The following GNAI1 variants were observed in gnomAD, a reference collection of about 807,000 sequenced individuals.
GNAI1 encodes guanine nucleotide-binding protein G(i) subunit alpha-1.
A neutral mutation model predicts 38.9 loss-of-function variants in GNAI1; 11 were observed. The ratio of observed to expected loss-of-function variants is 0.28; its 90% CI spans 0.18 to 0.47. GNAI1 has a LOEUF of 0.47. GNAI1 is among the 20% of genes least tolerant of loss of function. The pLI is 0.99. For synonymous variants in GNAI1, 166 were observed against 145.1 expected (o/e 1.14, Z -1.04); for missense variants, 317 against 436.9 (o/e 0.73, Z 2.45).
chr7:80,165,030 A>G (rs773064990), intron 1 of GNAI1, among the ~76,000 whole-genome samples: 6 of 152,308 alleles, frequency 3.9e-5, no homozygotes, highest in Non-Finnish European at 8.8e-5. Context: ...GTGAGGATGT[A>G]TTGTAGTAGC....
At chr7:80,144,661 A>G (rs969716646) in intron 1 of GNAI1, among the ~76,000 whole-genome samples, 1 of 152,152 alleles carries the variant, frequency 6.6e-6, no homozygotes, top group African/African-American at 2.4e-5. Flanking sequence ...CTTATTTGAC[A>G]GCCGTTGCTG....
chr7:80,219,244 A>G lies in GNAI1; in HGVS notation c.*1751A>G, dbSNP rs1157771812. 6.6e-6 allele frequency: 1 copy of G among 152,616 alleles called. No individual in the cohort carries two copies. The highest frequency in any genetic ancestry group is 1.5e-5 in the Non-Finnish European group (1 of 68,034). The allele number at this position is 152,616 out of a possible 1,614,324, so 9.5% of individuals were successfully genotyped here. Reference sequence around the variant, plus strand: ...TAATATCCACATTGTGAAGCTGTGTATGAAATTCAACTATAATATGAATAA... The same window carrying G: ...TAATATCCACATTGTGAAGCTGTGTGTGAAATTCAACTATAATATGAATAA... On this transcript the variant is annotated 3_prime_UTR_variant, in exon 8 of 8. Transcript: ENST00000649796.
chr7:80,161,454 T>C (rs944996630), intron 1 of GNAI1, among the ~76,000 whole-genome samples: 1 of 152,206 alleles, frequency 6.6e-6, no homozygotes, highest in East Asian at 1.9e-4. Flanking sequence ...TTAGAAGTTG[T>C]TGACACAAAG....
chr7:80,177,191 CT>C, intron 1 of GNAI1, among the ~76,000 whole-genome samples: 1 of 151,664 alleles, frequency 6.6e-6, no homozygotes, highest in South Asian at 2.1e-4. Context: ...CCACCATGCC[CT>C]GTTAACTTTT....
At chr7:80,212,576 GA>G (rs1333685008) in intron 6 of GNAI1, 139 bp from the exon 7 acceptor site, 1 of 538,946 alleles carries the variant, frequency 1.9e-6, no homozygotes, top group African/African-American at 2.0e-5. Context: ...AGTGTGTTCT[GA>G]AATGGCAGAA....
chr7:80,135,230 C>T lies in GNAI1; in HGVS notation c.70C>T (p.Arg24Cys). The T allele has an allele frequency of 6.5e-7, 1 of 1,550,308 alleles. No individual in the cohort carries two copies. The highest frequency in any genetic ancestry group is 8.7e-7 in the Non-Finnish European group (1 of 1,148,798). Residue 24 changes from arginine to cysteine, a missense_variant, in exon 1 of 8, where the codon CGT becomes TGT. By Grantham distance (180) the Arg-to-Cys change is radical. Coordinates refer to ENST00000649796, the MANE Select transcript of GNAI1 (RefSeq NM_002069.6). ...GAGTAAGATGATCGACCGCAACCTC[C>T]GTGAGGACGGCGAGAAGGCGGCGCG... Reference protein sequence around the residue: ...ERSKMIDRNLREDGEKAAREV... With the variant: ...ERSKMIDRNLCEDGEKAAREV...
At chr7:80,174,700 T>A (rs1187550602) in intron 1 of GNAI1, among the ~76,000 whole-genome samples, 4 of 152,148 alleles carry the variant, frequency 2.6e-5, no homozygotes, top group Admixed American at 2.6e-4. Context: ...TTTAAAAAAT[T>A]TGTCAGCGTA....
At chr7:80,147,847 G>A (rs1048173504) in intron 1 of GNAI1, among the ~76,000 whole-genome samples, 6 of 152,086 alleles carry the variant, frequency 3.9e-5, no homozygotes, top group Non-Finnish European at 5.9e-5. Context: ...TTGCAGTTAC[G>A]ACATCTGGTT....
chr7:80,181,632 CTTTT>C (rs1024923835), intron 1 of GNAI1, among the ~76,000 whole-genome samples: 1 of 152,138 alleles, frequency 6.6e-6, no homozygotes, highest in Non-Finnish European at 1.5e-5. Flanking sequence ...ACAATTCTTT[CTTTT>C]GTCCTGCCTT....
chr7:80,206,221 C>G (rs1191988641), intron 5 of GNAI1, among the ~76,000 whole-genome samples: 2 of 151,982 alleles, frequency 1.3e-5, no homozygotes, highest in Non-Finnish European at 2.9e-5. Flanking sequence ...GGCTACTTCT[C>G]TCCAAAAAAC....
chr7:80,147,493 T>A (rs1328678279), intron 1 of GNAI1, among the ~76,000 whole-genome samples: 1 of 152,020 alleles, frequency 6.6e-6, no homozygotes, highest in East Asian at 1.9e-4. Context: ...TGATGCGATC[T>A]CCAGCTTCTT....
At chr7:80,163,353 A>C (rs1787955550) in intron 1 of GNAI1, among the ~76,000 whole-genome samples, 1 of 152,144 alleles carries the variant, frequency 6.6e-6, no homozygotes, top group Admixed American at 6.5e-5. Flanking sequence ...TGTCTTCTGA[A>C]CAGTAATGAG....
chr7:80,176,352 G>A (rs1479033490), intron 1 of GNAI1, among the ~76,000 whole-genome samples: 1 of 152,206 alleles, frequency 6.6e-6, no homozygotes, highest in Non-Finnish European at 1.5e-5. Flanking sequence ...AAAGTGCAAG[G>A]TAAAGCAGCA....
chr7:80,206,445 A>T (rs1788779019), intron 5 of GNAI1, among the ~76,000 whole-genome samples: 1 of 152,052 alleles, frequency 6.6e-6, no homozygotes, highest in East Asian at 1.9e-4. Context: ...CTATTTCCAT[A>T]ATATTAAATA....
Position 80,206,791 on chromosome 7 carries a change from G to T in GNAI1, c.590+2959G>T, listed in dbSNP as rs552085184. 1.3e-3 allele frequency among the ~76,000 whole-genome samples: 196 copies of T among 151,986 alleles called. 1 individual carries two copies. The highest frequency in any genetic ancestry group is 2.0e-3 in the Non-Finnish European group (135 of 67,896). On this transcript the variant is annotated intron_variant, in intron 5 of 7. Transcript: ENST00000649796. ...CTATATACACCATGTTTCTTCGTAG[G>T]CATACATATCTATGATAAAGTTTAT...
At chr7:80,174,801 A>G (rs1417061964) in intron 1 of GNAI1, among the ~76,000 whole-genome samples, 1 of 152,198 alleles carries the variant, frequency 6.6e-6, no homozygotes, top group Non-Finnish European at 1.5e-5. Flanking sequence ...ATATAAGTTT[A>G]AATAGTCTTG....
intron 1 of GNAI1, among the ~76,000 whole-genome samples, chr7:80,168,313 A>G (rs73378659): frequency 0.029 from 4,471 of 152,324 alleles, 116 homozygotes; most frequent in African/African-American, 0.074. Context: ...TACAAAGGCC[A>G]TAACTAGAAC....
intron 1 of GNAI1, among the ~76,000 whole-genome samples, chr7:80,166,865 C>T (rs1485088871): frequency 6.6e-6 from 1 of 152,168 alleles, no homozygotes; most frequent in Non-Finnish European, 1.5e-5. Flanking sequence ...GTTCCAGGTG[C>T]TCTTCCCTTT....
At chr7:80,152,558 CTTTTTTTTTTTT>C (rs35141470) in intron 1 of GNAI1, among the ~76,000 whole-genome samples, 378 of 103,024 alleles carry the variant, frequency 3.7e-3, no homozygotes, top group African/African-American at 0.013. Context: ...GGTCTCAATT[CTTTTTTTTTTTT>C]TTTTTTTTTT....
Sources: gnomAD v4.1 joint callset for allele counts (sites outside exome capture counted in the v4.1 genomes callset) on GRCh38, gnomAD v4.1.1 for gene constraint, MANE v1.5 for transcripts, NCBI Gene and HGNC (gene_info 2026-07-23, HGNC 2026-07-21) for gene names.